The following SLC22A23 variants were observed in gnomAD, a reference collection of about 807,000 sequenced individuals.
SLC22A23 encodes solute carrier family 22 member 23.
In SLC22A23, 26 loss-of-function variants were observed where a neutral mutation model predicts 61.0. That is an observed-to-expected ratio of 0.43 (90% CI 0.31 to 0.59). The LOEUF (loss-of-function observed/expected upper bound fraction) is 0.59, where lower values mean the gene tolerates loss of function less well. SLC22A23 is among the 20% of genes least tolerant of loss of function. SLC22A23 has a pLI of 0.11. For synonymous variants in SLC22A23, 430 were observed against 413.9 expected, an observed-to-expected ratio of 1.04 and a Z score of -0.47; for missense variants, 796 against 934.7, an observed-to-expected ratio of 0.85 and a Z score of 1.94.
chr6:3,390,406 C>T lies in SLC22A23; in HGVS notation c.913+19782G>A, dbSNP rs1279532196. 9.2e-5 allele frequency among the ~76,000 whole-genome samples: 14 copies of T among 152,126 alleles called. No individual in the cohort carries two copies. The highest frequency in any genetic ancestry group is 1.3e-4 in the Non-Finnish European group (9 of 68,018). On this transcript the variant is annotated intron_variant, in intron 3 of 9. Coordinates refer to ENST00000406686, the MANE Select transcript of SLC22A23 (RefSeq NM_015482.2). This position sits in a 1 kb window ranked among gnomAD's most constrained non-coding sequence, Gnocchi z 4.0. ...GCCCCACTCTCCCTCTCTCCTCCCT[C>T]CCCAAAGTCCAATTAAGTCCAAGTG...
At chr6:3,397,175 G>C (rs1016843287) in intron 3 of SLC22A23, among the ~76,000 whole-genome samples, 5 of 152,188 alleles carry the variant, frequency 3.3e-5, no homozygotes, top group Admixed American at 6.5e-5. Context: ...GGGGACAAGG[G>C]AACTTTTCCC....
chr6:3,364,789 A>T (rs1765697992), intron 3 of SLC22A23, among the ~76,000 whole-genome samples: 1 of 152,202 alleles, frequency 6.6e-6, no homozygotes, highest in Admixed American at 6.5e-5. Context: ...CGTGCAGGTT[A>T]AGACTTGGAA....
intron 1 of SLC22A23, among the ~76,000 whole-genome samples, chr6:3,433,837 C>G (rs553421385): frequency 1.3e-5 from 2 of 152,162 alleles, no homozygotes; most frequent in Non-Finnish European, 2.9e-5. Flanking sequence ...CAAAACCATG[C>G]TATGGGGATA....
At chr6:3,282,193 TTTTG>T (rs755921102) in intron 9 of SLC22A23, 26 of 702,318 alleles carry the variant, frequency 3.7e-5, no homozygotes, top group Non-Finnish European at 5.7e-5. Flanking sequence ...GGCTTTGCTG[TTTTG>T]TTTGATAAAG....
Position 3,316,793 on chromosome 6 carries a change from T to C in SLC22A23, c.1082+7041A>G, listed in dbSNP as rs77809748. Among the ~76,000 whole-genome samples, 190 of 152,304 alleles carry C rather than the reference T, an allele frequency of 1.2e-3. 5 individuals carry two copies. In the East Asian group the frequency reaches 0.035, roughly 28 times the overall value. On this transcript the variant is annotated intron_variant, in intron 4 of 9. Coordinates refer to ENST00000406686, the MANE Select transcript of SLC22A23 (RefSeq NM_015482.2). ...GCTGGGATACAGACACGTGCTCCCA[T>C]GTGTGGCTAATTTTTTAAATTTTTG... is the stretch of plus-strand genomic sequence containing the variant.
At chr6:3,284,844 A>G in intron 8 of SLC22A23, 1 of 1,442,028 alleles carries the variant, frequency 6.9e-7, no homozygotes, top group Non-Finnish European at 9.4e-7. Flanking sequence ...GGGCGGGGGC[A>G]TGCGTGCCAA....
At chr6:3,383,644 T>C (rs1308752613) in intron 3 of SLC22A23, among the ~76,000 whole-genome samples, 3 of 152,192 alleles carry the variant, frequency 2.0e-5, no homozygotes, top group Non-Finnish European at 4.4e-5. Flanking sequence ...GCCAACCTTA[T>C]CTGAGGACTT....
At chr6:3,428,996 G>A (rs62391790) in intron 1 of SLC22A23, among the ~76,000 whole-genome samples, 23,893 of 149,902 alleles carry the variant, frequency 0.16, 2,456 homozygotes, top group East Asian at 0.36. Flanking sequence ...ATTTGGCTTC[G>A]GAAACCCTCT....
intron 4 of SLC22A23, among the ~76,000 whole-genome samples, chr6:3,314,585 G>A (rs1762530027): frequency 6.6e-6 from 1 of 152,052 alleles, no homozygotes; most frequent in Admixed American, 6.5e-5. Flanking sequence ...CTAAAAATCA[G>A]TATTACTCTG....
At chr6:3,325,321 G>A (rs1763215725) in intron 3 of SLC22A23, among the ~76,000 whole-genome samples, 1 of 152,086 alleles carries the variant, frequency 6.6e-6, no homozygotes, top group South Asian at 2.1e-4. Context: ...AATTATGCTT[G>A]GCTACAAGGA....
intron 2 of SLC22A23, among the ~76,000 whole-genome samples, chr6:3,413,720 T>G (rs866203534): frequency 6.6e-6 from 1 of 152,244 alleles, no homozygotes; most frequent in Admixed American, 6.5e-5. Context: ...CCTGCAGCCA[T>G]GAAACAGGGC....
chr6:3,300,452 AGAACGG>A (rs1761518582), intron 4 of SLC22A23, among the ~76,000 whole-genome samples: 1 of 152,212 alleles, frequency 6.6e-6, no homozygotes, highest in South Asian at 2.1e-4. Context: ...TTAAGTCATG[AGAACGG>A]GAGGCTGAAG....
At chr6:3,437,745 A>ATTT (rs66470069) in intron 1 of SLC22A23, among the ~76,000 whole-genome samples, 1 of 114,344 alleles carries the variant, frequency 8.7e-6, no homozygotes, top group Non-Finnish European at 1.8e-5. Context: ...AACTTACTAG[A>ATTT]TTTTTTTTTT....
Position 3,410,414 on chromosome 6 carries a change from T to A in SLC22A23, c.759-72A>T. On this transcript the variant is annotated intron_variant, in intron 2 of 9. Coordinates refer to ENST00000406686, the MANE Select transcript of SLC22A23 (RefSeq NM_015482.2). The surrounding 1 kb of genome is among the most constrained non-coding windows in gnomAD (Gnocchi z 5.0). ...AATGACGCTAGATGCTGAAACCCGG[T>A]GTCCAGCAGGCACTCAATATATGTT... 2 of 1,455,602 alleles carry A rather than the reference T, an allele frequency of 1.4e-6. No homozygotes were observed. Among genetic ancestry groups the A allele is most frequent in the Non-Finnish European group, 1.8e-6 (2 of 1,085,140 alleles). The allele number at this position is 1,455,602 out of a possible 1,614,324, so 90.2% of individuals were successfully genotyped here. A position where few individuals can be genotyped will look rare whatever the true frequency, so the allele number is the denominator to read the frequency against.
At position 3,300,004 on chromosome 6, in the gene SLC22A23, T is replaced by C. The variant is rs1486528988; in HGVS notation, c.1083-1786A>G. Among the ~76,000 whole-genome samples, 160 of 38,616 alleles carry C rather than the reference T, an allele frequency of 4.1e-3. 8 individuals carry two copies. The highest frequency in any genetic ancestry group is 0.021 in the African/African-American group (131 of 6,212). The allele number at this position is 38,616 out of a possible 152,430, so 25.3% of individuals were successfully genotyped here. ...TTTGCAAGCTCAGGATAGACTTTTTTTTTTTTTTTTTTTTTTTTTTTTTTG... is the reference window on the plus strand; with the variant it reads ...TTTGCAAGCTCAGGATAGACTTTTTCTTTTTTTTTTTTTTTTTTTTTTTTG... On this transcript the variant is annotated intron_variant, in intron 4 of 9. Coordinates refer to ENST00000406686, the MANE Select transcript of SLC22A23 (RefSeq NM_015482.2).
intron 9 of SLC22A23, among the ~76,000 whole-genome samples, chr6:3,274,768 GAAAT>G (rs926124675): frequency 3.9e-4 from 59 of 152,170 alleles, no homozygotes; most frequent in African/African-American, 1.3e-3. Context: ...AAAATGTTTA[GAAAT>G]AAATAACAAA....
At chr6:3,446,796 G>A (rs539616634) in intron 1 of SLC22A23, among the ~76,000 whole-genome samples, 149 of 152,282 alleles carry the variant, frequency 9.8e-4, no homozygotes, top group African/African-American at 3.4e-3. Flanking sequence ...TCGTACGTGC[G>A]GTGTTTGGGC....
chr6:3,324,363 C>A lies in SLC22A23; in HGVS notation c.914-361G>T, dbSNP rs1026887093. 6.6e-6 allele frequency among the ~76,000 whole-genome samples: 1 copy of A among 152,150 alleles called. No individual in the cohort carries two copies. Among genetic ancestry groups the A allele is most frequent in the Non-Finnish European group, 1.5e-5 (1 of 68,014 alleles). On this transcript the variant is annotated intron_variant, in intron 3 of 9. Coordinates refer to ENST00000406686, the MANE Select transcript of SLC22A23 (RefSeq NM_015482.2). The surrounding 1 kb of genome is among the most constrained non-coding windows in gnomAD (Gnocchi z 4.3). ...CACTGAGCTTGCTGTCCAGCACGTT[C>A]CCCCCTCGTGCCCATCCTGTCGCCA...
At chr6:3,358,809 C>G (rs146011658) in intron 3 of SLC22A23, among the ~76,000 whole-genome samples, 1 of 152,046 alleles carries the variant, frequency 6.6e-6, no homozygotes, top group South Asian at 2.1e-4. Flanking sequence ...AGGAAAACAC[C>G]GGAAGGAGTC....
Sources: gnomAD v4.1 joint callset for allele counts (sites outside exome capture counted in the v4.1 genomes callset) on GRCh38, gnomAD v4.1.1 for gene constraint, Gnocchi (gnomAD v3.1) non-coding constraint, MANE v1.5 for transcripts, NCBI Gene and HGNC (gene_info 2026-07-23, HGNC 2026-07-21) for gene names.